CTNNA2: variants seen among roughly 807,000 people sequenced by gnomAD.
CTNNA2 encodes catenin alpha-2.
In CTNNA2, 42 loss-of-function variants were observed where a neutral mutation model predicts 101.0. The observed-to-expected ratio is 0.42, with a 90% CI of 0.32 to 0.54. The LOEUF (loss-of-function observed/expected upper bound fraction) is 0.54, where lower values mean the gene tolerates loss of function less well. Ranked by LOEUF, CTNNA2 falls within the 20% of genes least tolerant of loss-of-function variation. The pLI is 0.14. For missense variants in CTNNA2, 871 were observed against 1,223.1 expected (o/e 0.71, Z 4.29); for synonymous variants, 450 against 456.4 (o/e 0.99, Z 0.18).
At chr2:80,081,941 C>A (rs1265723768) in intron 7 of CTNNA2, among the ~76,000 whole-genome samples, 1 of 152,102 alleles carries the variant, frequency 6.6e-6, no homozygotes, top group Non-Finnish European at 1.5e-5. Flanking sequence ...AGGATTGCAG[C>A]TAGATGCAGG....
chr2:79,960,539 A>G lies in CTNNA2; in HGVS notation c.1056+50742A>G, dbSNP rs115603636. On this transcript the variant is annotated intron_variant, in intron 7 of 18. Coordinates refer to ENST00000402739, the MANE Select transcript of CTNNA2 (RefSeq NM_001282597.3). ...CATTAGCTACTTCTTGATAGTTTTT[A>G]TGAATAGACTTAGCACCTAGTATTG... Among the ~76,000 whole-genome samples, 595 of 152,322 alleles carry G rather than the reference A, an allele frequency of 3.9e-3. 7 individuals carry two copies. The highest frequency in any genetic ancestry group is 0.014 in the African/African-American group (567 of 41,558).
chr2:80,368,110 C>A (rs889494638), intron 7 of CTNNA2, among the ~76,000 whole-genome samples: 2 of 152,082 alleles, frequency 1.3e-5, no homozygotes, highest in East Asian at 1.9e-4. Context: ...TTTGATTGAA[C>A]CTCAGAGGCC....
intron 7 of CTNNA2, among the ~76,000 whole-genome samples, chr2:80,375,492 C>T (rs1204838310): frequency 6.6e-6 from 1 of 151,836 alleles, no homozygotes; most frequent in East Asian, 1.9e-4. Flanking sequence ...GGTGACCCAC[C>T]CTCAAGTCAG....
At chr2:80,110,527 A>C (rs4852554) in intron 7 of CTNNA2, among the ~76,000 whole-genome samples, 66,602 of 151,908 alleles carry the variant, frequency 0.44, 15,388 homozygotes, top group East Asian at 0.63. Context: ...TATGAGAATT[A>C]ATTAGCTAAA....
intron 9 of CTNNA2, among the ~76,000 whole-genome samples, chr2:80,513,249 G>GA (rs1241167102): frequency 1.3e-5 from 2 of 152,266 alleles, no homozygotes; most frequent in East Asian, 1.9e-4. Flanking sequence ...AAAGAACAGA[G>GA]AAAAAACAAT....
At chr2:80,318,706 A>G (rs1052973348) in intron 7 of CTNNA2, among the ~76,000 whole-genome samples, 2 of 152,224 alleles carry the variant, frequency 1.3e-5, no homozygotes, top group Non-Finnish European at 2.9e-5. Context: ...TCCCTGGCTT[A>G]TAGACTGAGA....
chr2:79,672,913 G>A (rs1444764348), intron 2 of CTNNA2, among the ~76,000 whole-genome samples: 1 of 151,832 alleles, frequency 6.6e-6, no homozygotes, highest in Non-Finnish European at 1.5e-5. Context: ...TTTCCATGTA[G>A]GCCAGGCTGA....
intron 4 of CTNNA2, among the ~76,000 whole-genome samples, chr2:79,868,315 C>G (rs538118668): frequency 6.6e-6 from 1 of 152,306 alleles, no homozygotes; most frequent in African/African-American, 2.4e-5. Context: ...TAACCTCCCC[C>G]CAACCCCTGC....
intron 3 of CTNNA2, 120 bp downstream of exon 3, chr2:79,744,702 T>C (rs1671518954): frequency 1.1e-6 from 1 of 919,966 alleles, no homozygotes; most frequent in Non-Finnish European, 1.6e-6. Context: ...TTCCTTTCTA[T>C]CTACACTTGT....
intron 7 of CTNNA2, among the ~76,000 whole-genome samples, chr2:80,352,262 A>G (rs746883498): frequency 1.3e-5 from 2 of 152,194 alleles, no homozygotes; most frequent in Non-Finnish European, 2.9e-5. Flanking sequence ...CAATAAAACA[A>G]TAAAAAAAAG....
intron 7 of CTNNA2, among the ~76,000 whole-genome samples, chr2:80,336,958 G>A (rs1192070852): frequency 6.6e-6 from 1 of 152,144 alleles, no homozygotes; most frequent in Non-Finnish European, 1.5e-5. Context: ...ATTGTTCCCA[G>A]CCCATTGCTG....
chr2:79,654,020 A>G (rs952525576), intron 2 of CTNNA2, among the ~76,000 whole-genome samples: 2 of 152,136 alleles, frequency 1.3e-5, no homozygotes, highest in Non-Finnish European at 2.9e-5. Context: ...TATTTATGGC[A>G]ACTTAGATAC....
At chr2:79,856,768 A>G (rs1369697397) in intron 3 of CTNNA2, among the ~76,000 whole-genome samples, 1 of 151,994 alleles carries the variant, frequency 6.6e-6, no homozygotes, top group African/African-American at 2.4e-5. Flanking sequence ...TGGTCTTCAC[A>G]TCTAGTCAGC....
intron 9 of CTNNA2, among the ~76,000 whole-genome samples, chr2:80,518,366 T>C (rs946632813): frequency 2.0e-5 from 3 of 152,186 alleles, no homozygotes; most frequent in Non-Finnish European, 2.9e-5. Context: ...GCACAGATTT[T>C]GGTTATTACA....
intron 4 of CTNNA2, among the ~76,000 whole-genome samples, chr2:79,867,198 G>T (rs778813053): frequency 6.6e-6 from 1 of 152,062 alleles, no homozygotes; most frequent in Non-Finnish European, 1.5e-5. Context: ...TGCCCAGAAA[G>T]GACAAAAGAT....
intron 7 of CTNNA2, among the ~76,000 whole-genome samples, chr2:80,327,373 C>T (rs957383170): frequency 3.3e-5 from 5 of 152,150 alleles, no homozygotes; most frequent in Non-Finnish European, 5.9e-5. Context: ...GCAAATGCTA[C>T]GTGGAGGGAA....
At chr2:80,203,754 T>G (rs1707356259) in intron 7 of CTNNA2, among the ~76,000 whole-genome samples, 1 of 152,218 alleles carries the variant, frequency 6.6e-6, no homozygotes, top group Admixed American at 6.5e-5. Context: ...CACTAGGTGG[T>G]GCCCCAGTAG....
chr2:80,036,804 A>G (rs1695682138), intron 7 of CTNNA2, among the ~76,000 whole-genome samples: 1 of 146,844 alleles, frequency 6.8e-6, no homozygotes, highest in African/African-American at 2.5e-5. Context: ...TCACTCACTC[A>G]TTCATTGTGT....
chr2:80,043,043 CTT>C (rs1356842961), intron 7 of CTNNA2, among the ~76,000 whole-genome samples: 1 of 10,492 alleles, frequency 9.5e-5, no homozygotes, highest in Non-Finnish European at 1.8e-4. Flanking sequence ...TTCTTTCCTT[CTT>C]TCTTTCTTTC....
Sources: allele counts gnomAD v4.1 joint callset (sites outside exome capture counted in the v4.1 genomes callset), GRCh38; gene constraint gnomAD v4.1.1; transcripts MANE v1.5; gene names NCBI Gene and HGNC (gene_info 2026-07-23, HGNC 2026-07-21).